MAST4: variants seen among roughly 807,000 people sequenced by gnomAD.
MAST4 encodes microtubule associated serine/threonine kinase family member 4.
In MAST4, 89 loss-of-function variants were observed where a neutral mutation model predicts 162.7. The observed-to-expected ratio is 0.55, with a 90% confidence interval of 0.46 to 0.65. The LOEUF is 0.65. Ranked by LOEUF, MAST4 falls within the 30% of genes least tolerant of loss-of-function variation. The probability of loss-of-function intolerance (pLI) is 0.00; values close to 1 mark genes in which losing one functional copy is unlikely to be tolerated. For missense variants in MAST4, 3,153 were observed against 3,374.0 expected (o/e 0.93, Z 1.62); for synonymous variants, 1,479 against 1,361.1 (o/e 1.09, Z -1.91).
chr5:66,841,400 T>C (rs1452888442), intron 3 of MAST4, among the ~76,000 whole-genome samples: 1 of 152,178 alleles, frequency 6.6e-6, no homozygotes, highest in Non-Finnish European at 1.5e-5. Flanking sequence ...GGCAAATATC[T>C]AACTGTCTTA....
At chr5:67,054,757 C>G (rs1758597959) in intron 5 of MAST4, among the ~76,000 whole-genome samples, 1 of 152,090 alleles carries the variant, frequency 6.6e-6, no homozygotes, top group Non-Finnish European at 1.5e-5. Flanking sequence ...CTGGATGATA[C>G]AAGACATGGT....
intron 4 of MAST4, among the ~76,000 whole-genome samples, chr5:66,923,638 A>G (rs1764690999): frequency 6.6e-6 from 1 of 152,144 alleles, no homozygotes; most frequent in Non-Finnish European, 1.5e-5. Context: ...CTTATACCTA[A>G]GGGTAACCAA....
chr5:66,923,607 G>A (rs910627928), intron 4 of MAST4, among the ~76,000 whole-genome samples: 1 of 152,136 alleles, frequency 6.6e-6, no homozygotes, highest in African/African-American at 2.4e-5. Flanking sequence ...ACATCCTCCT[G>A]TAACCCCCAG....
At chr5:66,597,177 G>GC (rs531109914) in intron 1 of MAST4, among the ~76,000 whole-genome samples, 159 bp downstream of exon 1, 1 of 152,216 alleles carries the variant, frequency 6.6e-6, no homozygotes, top group Non-Finnish European at 1.5e-5. Context: ...ATAGTTAGGA[G>GC]CCCCCCTGTG....
At chr5:66,711,085 A>T (rs1034773962) in intron 1 of MAST4, among the ~76,000 whole-genome samples, 1 of 152,170 alleles carries the variant, frequency 6.6e-6, no homozygotes, top group African/African-American at 2.4e-5. Context: ...TATAAATGTC[A>T]TCATACGGGA....
intron 3 of MAST4, among the ~76,000 whole-genome samples, chr5:66,883,456 T>G (rs1761835174): frequency 1.5e-5 from 2 of 131,634 alleles, no homozygotes; most frequent in African/African-American, 5.7e-5. Context: ...TTAGATGGAG[T>G]CTCCCTCTGT....
At chr5:66,946,956 C>G (rs1165476765) in intron 4 of MAST4, among the ~76,000 whole-genome samples, 1 of 151,886 alleles carries the variant, frequency 6.6e-6, no homozygotes, top group Admixed American at 6.6e-5. Flanking sequence ...TTTTCATTGG[C>G]TGCAGTGAAA....
chr5:67,114,201 A>C lies in MAST4; in HGVS notation c.1573A>C (p.Asn525His). Residue 525 changes from asparagine (N) to histidine (H), a missense_variant, in exon 12 of 29, where the codon AAT becomes CAT. Asn to His is a moderately conservative substitution (Grantham distance 68). Coordinates refer to ENST00000403625, the MANE Select transcript of MAST4 (RefSeq NM_001164664.2). ...GTACATCATTAGCCAACTGGGACTC[A>C]ATAAGGATCCCTTGGAAGGTGAGTC... is the stretch of plus-strand genomic sequence containing the variant. Reference protein sequence around the residue: ...PRYIISQLGLNKDPLEEMAHL... With the variant: ...PRYIISQLGLHKDPLEEMAHL... 1 of 1,611,820 alleles carries C rather than the reference A, an allele frequency of 6.2e-7. No individual in the cohort carries two copies. Among genetic ancestry groups the C allele is most frequent in the Non-Finnish European group, 8.5e-7 (1 of 1,179,144 alleles).
intron 1 of MAST4, among the ~76,000 whole-genome samples, chr5:66,616,308 G>A (rs559165035): frequency 6.6e-6 from 1 of 152,034 alleles, no homozygotes; most frequent in Non-Finnish European, 1.5e-5. Flanking sequence ...ACCAAGGTGA[G>A]CAGTTCAGAG....
rs546096398 is a variant in MAST4, at chr5:67,038,712, A to C, written c.675-15692A>C. 9.2e-5 allele frequency among the ~76,000 whole-genome samples: 14 copies of C among 152,306 alleles called. No individual in the cohort carries two copies. In the South Asian group the frequency reaches 2.7e-3, roughly 29 times the overall value. On this transcript the variant is annotated intron_variant, in intron 4 of 28. Transcript: ENST00000403625. ...AAATATTGACACATTTAGATACAAA[A>C]ATAGGTGCTCATGTGATTTTTTTTA...
chr5:66,862,591 A>G (rs180998762), intron 3 of MAST4, among the ~76,000 whole-genome samples: 12 of 152,354 alleles, frequency 7.9e-5, no homozygotes, highest in African/African-American at 2.6e-4. Flanking sequence ...ACATTTCTCT[A>G]TGAACAGCAG....
intron 3 of MAST4, among the ~76,000 whole-genome samples, chr5:66,864,032 C>A (rs1760307089): frequency 6.6e-6 from 1 of 152,058 alleles, no homozygotes. Flanking sequence ...ACTATGCATC[C>A]CACACACACA....
chr5:66,708,237 T>C (rs1750266742), intron 1 of MAST4, among the ~76,000 whole-genome samples: 1 of 152,164 alleles, frequency 6.6e-6, no homozygotes, highest in Admixed American at 6.5e-5. Context: ...GGTTCGTGCC[T>C]TAGCTTAACC....
At chr5:67,152,584 A>G in intron 24 of MAST4, 53 bp from the exon 25 acceptor site, 5 of 1,493,980 alleles carry the variant, frequency 3.3e-6, no homozygotes, top group Non-Finnish European at 4.7e-6. Context: ...GGTTGCCTGC[A>G]TGGATGCTTG....
At chr5:66,941,191 G>A (rs1324609785) in intron 4 of MAST4, among the ~76,000 whole-genome samples, 2 of 152,086 alleles carry the variant, frequency 1.3e-5, no homozygotes, top group Admixed American at 1.3e-4. Context: ...ATGAGCATTG[G>A]CATCAACTTA....
chr5:67,025,860 G>T (rs1754580171), intron 4 of MAST4, among the ~76,000 whole-genome samples: 1 of 152,196 alleles, frequency 6.6e-6, no homozygotes, highest in Admixed American at 6.5e-5. Context: ...ATGTGACTGT[G>T]TCCCCTGTAC....
intron 5 of MAST4, among the ~76,000 whole-genome samples, 182 bp from the exon 6 acceptor site, chr5:67,089,980 C>T (rs1388690400): frequency 6.6e-6 from 1 of 152,080 alleles, no homozygotes; most frequent in African/African-American, 2.4e-5. Context: ...TCATGCTCCC[C>T]CATCCCCATC....
intron 5 of MAST4, among the ~76,000 whole-genome samples, chr5:67,067,306 C>A (rs1033217053): frequency 4.6e-5 from 7 of 152,156 alleles, no homozygotes; most frequent in African/African-American, 1.7e-4. Flanking sequence ...CTACTTTGGG[C>A]AGTTCACTCT....
intron 4 of MAST4, among the ~76,000 whole-genome samples, chr5:67,028,815 G>A (rs947624533): frequency 1.3e-5 from 2 of 152,058 alleles, no homozygotes; most frequent in Non-Finnish European, 2.9e-5. Context: ...GAAGGCAAGA[G>A]AGTTCCAGAT....
Sources: allele counts gnomAD v4.1 joint callset (sites outside exome capture counted in the v4.1 genomes callset), GRCh38; gene constraint gnomAD v4.1.1; transcripts MANE v1.5; gene names NCBI Gene and HGNC (gene_info 2026-07-23, HGNC 2026-07-21).